The following CDC73 variants were observed in gnomAD, a reference collection of about 807,000 sequenced individuals.
The protein encoded by CDC73 is parafibromin.
In CDC73, 21 loss-of-function variants were observed where a neutral mutation model predicts 83.7. The observed-to-expected ratio is 0.25, with a 90% CI of 0.18 to 0.36. The LOEUF (loss-of-function observed/expected upper bound fraction) is 0.36. CDC73 is among the 10% of genes least tolerant of loss of function. CDC73 has a pLI of 1.00. For missense variants in CDC73, 342 were observed against 653.3 expected (o/e 0.52, Z 5.19); for synonymous variants, 224 against 212.9 (o/e 1.05, Z -0.45).
In CDC73 at chr1:193,160,994, T is replaced by A. The variant is rs188336075; in HGVS notation, c.972+8550T>A. ...ATATAATTCCTGCATTCAAATTTTT[T>A]AAATTAATTGTCTCAGTATTTTTGT... On this transcript the variant is annotated intron_variant, in intron 10 of 16. Transcript: ENST00000367435. The A allele has an allele frequency of 6.3e-5, 10 of 159,052 alleles. No homozygotes were observed. The East Asian group carries it at 1.2e-3, about 20-fold the overall frequency. 9.9% of individuals were successfully genotyped at this position (159,052 alleles called of 1,614,324 possible).
intron 8 of CDC73, 117 bp downstream of exon 8, chr1:193,148,082 C>T (rs1430130917): frequency 1.3e-6 from 1 of 748,570 alleles, no homozygotes; most frequent in Non-Finnish European, 2.4e-6. Context: ...ACCTTTTGCT[C>T]CTTTAGCATA....
At chr1:193,157,201 A>AAAG (rs993615033) in intron 10 of CDC73, among the ~76,000 whole-genome samples, 6 of 152,186 alleles carry the variant, frequency 3.9e-5, no homozygotes, top group Non-Finnish European at 1.5e-5. Flanking sequence ...GAAAGATTTG[A>AAAG]AAGAAGACTG....
At chr1:193,156,969 A>C (rs1484590043) in intron 10 of CDC73, among the ~76,000 whole-genome samples, 2 of 152,214 alleles carry the variant, frequency 1.3e-5, no homozygotes, top group Non-Finnish European at 2.9e-5. Flanking sequence ...ACACTATAAA[A>C]TTGTGACTAT....
intron 15 of CDC73, among the ~76,000 whole-genome samples, chr1:193,238,420 C>CAAAACA (rs1677801118): frequency 6.6e-6 from 1 of 152,176 alleles, no homozygotes; most frequent in Admixed American, 6.5e-5. Flanking sequence ...AAGCTGTTTT[C>CAAAACA]ACTGAAGTCA....
At chr1:193,173,221 A>G (rs1174164050) in intron 10 of CDC73, among the ~76,000 whole-genome samples, 1 of 152,070 alleles carries the variant, frequency 6.6e-6, no homozygotes, top group Non-Finnish European at 1.5e-5. Flanking sequence ...GCCTTATTCT[A>G]TTTCTTTTTC....
At chr1:193,188,544 A>G (rs1476926934) in intron 10 of CDC73, among the ~76,000 whole-genome samples, 1 of 151,696 alleles carries the variant, frequency 6.6e-6, no homozygotes, top group East Asian at 1.9e-4. Context: ...GTACATATTG[A>G]TTAACTACTG....
intron 13 of CDC73, among the ~76,000 whole-genome samples, chr1:193,230,540 A>G (rs574657869): frequency 1.6e-4 from 24 of 146,382 alleles, no homozygotes; most frequent in South Asian, 2.1e-4. Flanking sequence ...TAGCAATAGT[A>G]GATGAACCTA....
At chr1:193,234,267 T>TTATAATATATATAATTTATATATTATATA (rs35586186) in intron 14 of CDC73, among the ~76,000 whole-genome samples, 2 of 108,894 alleles carry the variant, frequency 1.8e-5, no homozygotes, top group African/African-American at 3.6e-5. Context: ...TATAATTTAA[T>TTATAATATATATAATTTATATATTATATA]TATAATATAT....
chr1:193,233,958 C>T (rs986927348), intron 14 of CDC73, among the ~76,000 whole-genome samples: 1 of 151,578 alleles, frequency 6.6e-6, no homozygotes, highest in Non-Finnish European at 1.5e-5. Context: ...ACACATGGCA[C>T]ATTAGATGAA....
At chr1:193,250,538 A>G (rs1195491724) in intron 16 of CDC73, 138 bp from the exon 17 acceptor site, 18 of 651,308 alleles carry the variant, frequency 2.8e-5, no homozygotes, top group Admixed American at 5.5e-5. Flanking sequence ...GAGTCTTTAT[A>G]TTTCCAGTTT....
At chr1:193,211,210 C>G (rs1383133537) in intron 11 of CDC73, among the ~76,000 whole-genome samples, 1 of 152,174 alleles carries the variant, frequency 6.6e-6, no homozygotes, top group Non-Finnish European at 1.5e-5. Flanking sequence ...AAACCAGATT[C>G]GGTCAACCAG....
At chr1:193,197,014 C>G (rs986375295) in intron 10 of CDC73, among the ~76,000 whole-genome samples, 1 of 152,046 alleles carries the variant, frequency 6.6e-6, no homozygotes, top group Admixed American at 6.6e-5. Context: ...TTGTCTTGTT[C>G]CTGATCTTAG....
intron 14 of CDC73, 22 bp downstream of exon 14, chr1:193,233,176 T>TA: frequency 6.3e-7 from 1 of 1,594,496 alleles, no homozygotes; most frequent in Non-Finnish European, 8.6e-7. Context: ...TCTATATATA[T>TA]ATCTTTTCAC....
intron 10 of CDC73, among the ~76,000 whole-genome samples, chr1:193,184,726 A>G (rs927040637): frequency 3.3e-5 from 5 of 152,034 alleles, no homozygotes; most frequent in Admixed American, 6.6e-5. Context: ...AGGGACTTGA[A>G]ATTTTTACAA....
In CDC73 at chr1:193,249,842, G is replaced by A. The variant is rs1225170778; in HGVS notation, c.1530G>A (p.Val510=). Residue 510 remains valine (V), a synonymous_variant, in exon 16 of 17, where the codon GTG becomes GTA. Transcript: ENST00000367435. ...SYHKRHLDRP[V]FLRFWETLDR... ...ACAAACGTCATTTGGATAGACCAGT[G>A]TTCTTACGGTTTTGGGAAACATTGG... 1 of 1,612,400 alleles carries A rather than the reference G, an allele frequency of 6.2e-7. No homozygotes were observed. The highest frequency in any genetic ancestry group is 1.7e-5 in the Admixed American group (1 of 59,920).
intron 10 of CDC73, among the ~76,000 whole-genome samples, chr1:193,196,816 G>T (rs1374323625): frequency 6.6e-6 from 1 of 152,146 alleles, no homozygotes; most frequent in African/African-American, 2.4e-5. Flanking sequence ...CAACTTTGCA[G>T]AACTTGTCTA....
At chr1:193,204,575 C>T (rs1677155447) in intron 11 of CDC73, among the ~76,000 whole-genome samples, 1 of 152,076 alleles carries the variant, frequency 6.6e-6, no homozygotes, top group South Asian at 2.1e-4. Context: ...AGGCTTGAGC[C>T]ACTGTGCCCG....
intron 10 of CDC73, among the ~76,000 whole-genome samples, chr1:193,160,100 C>G (rs1676283702): frequency 6.6e-6 from 1 of 152,156 alleles, no homozygotes; most frequent in African/African-American, 2.4e-5. Context: ...CAATTCAACT[C>G]AATTTAGCTT....
chr1:193,169,067 C>G (rs1676478819), intron 10 of CDC73, among the ~76,000 whole-genome samples: 1 of 152,026 alleles, frequency 6.6e-6, no homozygotes, highest in Non-Finnish European at 1.5e-5. Context: ...TTTGCTTACT[C>G]TTGACTTAAA....
Sources: allele counts gnomAD v4.1 joint callset (sites outside exome capture counted in the v4.1 genomes callset), GRCh38; gene constraint gnomAD v4.1.1; transcripts MANE v1.5; gene names NCBI Gene and HGNC (gene_info 2026-07-23, HGNC 2026-07-21).